COL5A2: variants seen among roughly 807,000 people sequenced by gnomAD.
COL5A2 encodes the protein collagen type V alpha 2 chain.
In COL5A2, 23 loss-of-function variants were observed where a neutral mutation model predicts 208.2. The ratio of observed to expected loss-of-function variants is 0.11; its 90% CI spans 0.08 to 0.16. The LOEUF (loss-of-function observed/expected upper bound fraction) is 0.16, where lower values mean the gene tolerates loss of function less well. Among genes scored for constraint, COL5A2 ranks in the 10% least tolerant of loss-of-function variants. COL5A2 has a pLI of 1.00. For missense variants in COL5A2, 1,590 were observed against 1,956.4 expected (o/e 0.81, Z 3.53); for synonymous variants, 625 against 628.5 (o/e 0.99, Z 0.08).
chr2:189,088,669 C>A, intron 8 of COL5A2, 26 bp downstream of exon 8: 2 of 1,573,182 alleles, frequency 1.3e-6, no homozygotes, highest in Non-Finnish European at 1.7e-6. Flanking sequence ...TGAAGTACTT[C>A]AATGATCAGT....
rs200554257 is a variant in COL5A2 at position 189,033,479 on chromosome 2, GTT to G, written c.*589_*590del. ...AATTCTATTTAAGACAGTGAGAAAC[GTT>G]TTTTTTTTTTTAAGATTCTCCTTAA... On this transcript the variant is annotated 3_prime_UTR_variant, in exon 54 of 54. Transcript: ENST00000374866. 1,861 of 140,332 alleles carry G rather than the reference GTT, an allele frequency of 0.013. 47 individuals are homozygous for G. The highest frequency in any genetic ancestry group is 0.045 in the African/African-American group (1,716 of 38,200). 8.7% of individuals were successfully genotyped at this position (140,332 alleles called of 1,614,324 possible).
chr2:189,307,400 T>G, the COL5A2 span, among the ~76,000 whole-genome samples: 1 of 152,080 alleles, frequency 6.6e-6, no homozygotes, highest in South Asian at 2.1e-4. Flanking sequence ...TAGCACATTA[T>G]AAGGAGGTAA....
the COL5A2 span, among the ~76,000 whole-genome samples, chr2:189,261,307 A>C: frequency 6.6e-6 from 1 of 152,232 alleles, no homozygotes; most frequent in Non-Finnish European, 1.5e-5. Flanking sequence ...TGATATCTAC[A>C]TACATATGTT....
chr2:189,344,448 A>C, the COL5A2 span, among the ~76,000 whole-genome samples: 1 of 152,156 alleles, frequency 6.6e-6, no homozygotes, highest in Non-Finnish European at 1.5e-5. Context: ...GTTCAATAGC[A>C]ATGAGGCTTA....
chr2:189,050,180 C>T (rs948948335), intron 43 of COL5A2, among the ~76,000 whole-genome samples: 1 of 152,152 alleles, frequency 6.6e-6, no homozygotes, highest in African/African-American at 2.4e-5. Flanking sequence ...TCAACTATGT[C>T]TTCCCTTTGA....
chr2:189,067,258 G>A (rs1262231503), intron 21 of COL5A2, among the ~76,000 whole-genome samples: 1 of 152,012 alleles, frequency 6.6e-6, no homozygotes, highest in Non-Finnish European at 1.5e-5. Context: ...AATGTTAGAG[G>A]GTTTTCTGTA....
chr2:189,212,499 C>T (rs1175176357), intron 1 of COL5A2, among the ~76,000 whole-genome samples: 4 of 151,674 alleles, frequency 2.6e-5, no homozygotes, highest in Admixed American at 6.6e-5. Context: ...ATTAGCTGGG[C>T]GTGGTGGTGG....
At chr2:189,157,181 A>ATCTATATATAGATATATCGATATATC (rs1688271194) in intron 1 of COL5A2, among the ~76,000 whole-genome samples, 1 of 97,380 alleles carries the variant, frequency 1.0e-5, no homozygotes, top group African/African-American at 6.6e-5. Context: ...ATCTATATAT[A>ATCTATATATAGATATATCGATATATC]TAGCTTAGCA....
At chr2:189,127,374 G>T (rs1156286056) in intron 1 of COL5A2, among the ~76,000 whole-genome samples, 6 of 152,010 alleles carry the variant, frequency 3.9e-5, no homozygotes, top group Non-Finnish European at 8.8e-5. Flanking sequence ...AATGGAGGAA[G>T]AGAAAGCAAA....
chr2:189,159,972 C>A (rs1211970281), intron 1 of COL5A2, among the ~76,000 whole-genome samples: 1 of 151,978 alleles, frequency 6.6e-6, no homozygotes, highest in Non-Finnish European at 1.5e-5. Flanking sequence ...TTATTGCCTG[C>A]CACAGGTTTG....
At chr2:189,418,306 G>C in the COL5A2 span, among the ~76,000 whole-genome samples, 1 of 152,106 alleles carries the variant, frequency 6.6e-6, no homozygotes, top group African/African-American at 2.4e-5. Context: ...GATATGATAA[G>C]AAAATCTTGA....
intron 35 of COL5A2, 87 bp from the exon 36 acceptor site, chr2:189,054,299 G>A (rs1275382749): frequency 1.0e-5 from 10 of 981,134 alleles, no homozygotes; most frequent in African/African-American, 1.6e-5. Flanking sequence ...AAAAAGAAAC[G>A]ACTATTTTGT....
the COL5A2 span, among the ~76,000 whole-genome samples, chr2:189,308,311 A>C: frequency 6.6e-6 from 1 of 151,384 alleles, no homozygotes; most frequent in African/African-American, 2.4e-5. Context: ...TCCCTTTGGC[A>C]CTCAGGCACA....
At chr2:189,090,176 T>A (rs1232402781) in intron 7 of COL5A2, among the ~76,000 whole-genome samples, 1 of 152,092 alleles carries the variant, frequency 6.6e-6, no homozygotes, top group Non-Finnish European at 1.5e-5. Context: ...AATAAGAAAG[T>A]AAAACAGCCT....
At chr2:189,431,924 A>G in the COL5A2 span, among the ~76,000 whole-genome samples, 1 of 152,224 alleles carries the variant, frequency 6.6e-6, no homozygotes, top group Non-Finnish European at 1.5e-5. Context: ...AATGAAGGAA[A>G]AAATGTTAAG....
chr2:189,408,453 C>T, the COL5A2 span, among the ~76,000 whole-genome samples: 1 of 152,008 alleles, frequency 6.6e-6, no homozygotes, highest in Non-Finnish European at 1.5e-5. Context: ...GAATCAGACT[C>T]AAAACATTCT....
At position 189,052,957 on chromosome 2, in the gene COL5A2, G is replaced by A; in HGVS notation, c.2615C>T (p.Ala872Val). The A allele has an allele frequency of 6.2e-7, 1 of 1,614,144 alleles. No individual in the cohort carries two copies. Among genetic ancestry groups the A allele is most frequent in the Non-Finnish European group, 8.5e-7 (1 of 1,180,014 alleles). ...TAAACCTTGTGGTCCAGGAGAACCA[G>A]CATCTCCCTTCTGTCCTGGCTCTCC... ...EPGEPGQKGD[A>V]GSPGPQGLAG... Residue 872 changes from alanine to valine, a missense_variant, in exon 39 of 54, where the codon GCT becomes GTT. By Grantham distance (64) the Ala-to-Val change is moderately conservative. Coordinates refer to ENST00000374866, the MANE Select transcript of COL5A2 (RefSeq NM_000393.5).
chr2:189,078,886 G>A (rs1323722665), intron 15 of COL5A2, among the ~76,000 whole-genome samples, 177 bp downstream of exon 15: 3 of 152,144 alleles, frequency 2.0e-5, no homozygotes, highest in Non-Finnish European at 2.9e-5. Context: ...AACCTTTTCT[G>A]TTAGAAGGGC....
the COL5A2 span, among the ~76,000 whole-genome samples, chr2:189,413,911 C>T: frequency 1.3e-5 from 2 of 150,038 alleles, no homozygotes; most frequent in Non-Finnish European, 3.0e-5. Context: ...CCTGCCTCAG[C>T]CTCCCAAGCA....
Sources: gnomAD v4.1 joint callset for allele counts (sites outside exome capture counted in the v4.1 genomes callset) on GRCh38, gnomAD v4.1.1 for gene constraint, MANE v1.5 for transcripts, NCBI Gene and HGNC (gene_info 2026-07-23, HGNC 2026-07-21) for gene names.